FUT9: variants seen among roughly 807,000 people sequenced by gnomAD.
FUT9 encodes 4-galactosyl-N-acetylglucosaminide 3-alpha-L-fucosyltransferase 9.
FUT9 carries 15 observed loss-of-function variants against 29.7 expected under a neutral mutation model. The observed-to-expected ratio is 0.51, with a 90% confidence interval of 0.34 to 0.78. The LOEUF is 0.78. FUT9 is among the 30% of genes least tolerant of loss of function. FUT9 has a pLI of 0.01. For missense variants in FUT9, 319 were observed against 425.4 expected (o/e 0.75, Z 2.20); for synonymous variants, 169 against 153.7 (o/e 1.10, Z -0.74).
At chr6:96,052,647 T>G (rs1770691224) in intron 1 of FUT9, among the ~76,000 whole-genome samples, 1 of 152,168 alleles carries the variant, frequency 6.6e-6, no homozygotes, top group Non-Finnish European at 1.5e-5. Flanking sequence ...AAGGAGAACA[T>G]CAGAGAATTT....
chr6:96,025,786 G>C (rs1770157315), intron 1 of FUT9, among the ~76,000 whole-genome samples: 1 of 151,646 alleles, frequency 6.6e-6, no homozygotes. Context: ...AATCTCTGAA[G>C]GGTCTGAGAT....
intron 1 of FUT9, among the ~76,000 whole-genome samples, chr6:96,105,329 TA>T (rs1771658348): frequency 6.6e-6 from 1 of 152,340 alleles, no homozygotes; most frequent in East Asian, 1.9e-4. Flanking sequence ...AAATTGCAGT[TA>T]AAATTGGAGT....
intron 2 of FUT9, among the ~76,000 whole-genome samples, chr6:96,157,841 A>G (rs917831835): frequency 6.6e-6 from 1 of 151,832 alleles, no homozygotes; most frequent in Non-Finnish European, 1.5e-5. Context: ...CTTGTCTTCA[A>G]ATCTACTCCT....
intron 1 of FUT9, among the ~76,000 whole-genome samples, chr6:96,064,962 A>G (rs1003970490): frequency 5.9e-5 from 9 of 152,338 alleles, no homozygotes; most frequent in African/African-American, 2.2e-4. Flanking sequence ...TTAGATTGCT[A>G]CAACACAATA....
At chr6:96,058,169 T>C (rs1037985031) in intron 1 of FUT9, among the ~76,000 whole-genome samples, 11 of 152,086 alleles carry the variant, frequency 7.2e-5, no homozygotes, top group African/African-American at 1.4e-4. Context: ...TATTCTGTTA[T>C]GCTACTCCCG....
chr6:96,057,507 A>G (rs1369388886), intron 1 of FUT9, among the ~76,000 whole-genome samples: 2 of 152,232 alleles, frequency 1.3e-5, no homozygotes, highest in Non-Finnish European at 2.9e-5. Flanking sequence ...GCCACTCCTA[A>G]GAAACTCAAC....
At chr6:96,046,437 G>T (rs957723204) in intron 1 of FUT9, among the ~76,000 whole-genome samples, 1 of 152,018 alleles carries the variant, frequency 6.6e-6, no homozygotes, top group African/African-American at 2.4e-5. Context: ...TGACTCTAAG[G>T]TTTTTGGAAC....
rs73549040 is a variant in FUT9, at chr6:96,034,660, C to G, written c.-98+18448C>G. 4.5e-3 allele frequency among the ~76,000 whole-genome samples: 677 copies of G among 151,764 alleles called. 3 individuals carry two copies. Among genetic ancestry groups the G allele is most frequent in the African/African-American group, 0.016 (659 of 41,458 alleles). ...AGAATGGTTCTTTATCACACACTTA[C>G]TACAATAAGGGCAATTTAAATATGT... On this transcript the variant is annotated intron_variant, in intron 1 of 2. Coordinates refer to ENST00000302103, the MANE Select transcript of FUT9 (RefSeq NM_006581.4).
At chr6:96,157,149 T>C (rs1772801266) in intron 2 of FUT9, among the ~76,000 whole-genome samples, 1 of 152,158 alleles carries the variant, frequency 6.6e-6, no homozygotes, top group Non-Finnish European at 1.5e-5. Flanking sequence ...AACTAAGATG[T>C]GTGTTTTTCT....
At chr6:96,170,294 C>G (rs1405316781) in intron 2 of FUT9, among the ~76,000 whole-genome samples, 1 of 151,896 alleles carries the variant, frequency 6.6e-6, no homozygotes, top group Non-Finnish European at 1.5e-5. Context: ...TATTGTGATC[C>G]TTAGAGTTAA....
At chr6:96,174,186 C>G (rs182883613) in intron 2 of FUT9, among the ~76,000 whole-genome samples, 1 of 152,022 alleles carries the variant, frequency 6.6e-6, no homozygotes, top group South Asian at 2.1e-4. Context: ...TAAATAAATA[C>G]AAACTTTTCA....
chr6:96,192,726 A>G (rs1249798902), intron 2 of FUT9, among the ~76,000 whole-genome samples: 2 of 151,970 alleles, frequency 1.3e-5, no homozygotes, highest in Non-Finnish European at 2.9e-5. Flanking sequence ...TGGAACCAAA[A>G]AAGAGCCTGC....
intron 2 of FUT9, among the ~76,000 whole-genome samples, chr6:96,123,060 CAAAAAAAAAAAAAAAAAAA>C (rs56330234): frequency 1.8e-4 from 12 of 64,996 alleles, no homozygotes; most frequent in African/African-American, 6.9e-4. Flanking sequence ...GACTCAGTCT[CAAAAAAAAAAAAAAAAAAA>C]AAAAAAAAAA....
intron 1 of FUT9, among the ~76,000 whole-genome samples, chr6:96,076,809 C>A (rs187061283): frequency 7.0e-4 from 106 of 152,294 alleles, no homozygotes; most frequent in African/African-American, 2.5e-3. Flanking sequence ...AAATATACCA[C>A]ATGAACTGCT....
At chr6:96,119,564 A>G (rs1315540281) in intron 2 of FUT9, among the ~76,000 whole-genome samples, 4 of 152,214 alleles carry the variant, frequency 2.6e-5, no homozygotes, top group Admixed American at 6.5e-5. Flanking sequence ...AGCATTCATC[A>G]TGTATTTTCT....
At chr6:96,144,966 T>C (rs1772537252) in intron 2 of FUT9, among the ~76,000 whole-genome samples, 1 of 152,166 alleles carries the variant, frequency 6.6e-6, no homozygotes, top group African/African-American at 2.4e-5. Context: ...CTGTATTCAT[T>C]CTCTGTTTAT....
chr6:96,211,620 C>G lies in FUT9; in HGVS notation c.*7385C>G, dbSNP rs1169458275. The G allele has an allele frequency of 6.0e-6, 1 of 166,808 alleles. No homozygotes were observed. Among genetic ancestry groups the G allele is most frequent in the African/African-American group, 2.4e-5 (1 of 41,354 alleles). The allele number at this position is 166,808 out of a possible 1,614,324, so 10.3% of individuals were successfully genotyped here. On this transcript the variant is annotated 3_prime_UTR_variant, in exon 3 of 3. Transcript: ENST00000302103. ...GGTTCAGAAATAAAATAATTGTTAG[C>G]CAGCCTGTGATTAAGGCTACCATAA...
chr6:96,122,346 A>G (rs2127965428), intron 2 of FUT9, among the ~76,000 whole-genome samples: 1 of 152,308 alleles, frequency 6.6e-6, no homozygotes, highest in South Asian at 2.1e-4. Flanking sequence ...TTCCAATACA[A>G]TATTGGATGG....
At chr6:96,115,416 G>A (rs1205543470) in intron 2 of FUT9, among the ~76,000 whole-genome samples, 4 of 152,098 alleles carry the variant, frequency 2.6e-5, no homozygotes, top group African/African-American at 7.2e-5. Context: ...CTAAAGTTTT[G>A]TTGAATATAC....
Sources: allele counts gnomAD v4.1 joint callset (sites outside exome capture counted in the v4.1 genomes callset), GRCh38; gene constraint gnomAD v4.1.1; transcripts MANE v1.5; gene names NCBI Gene and HGNC (gene_info 2026-07-23, HGNC 2026-07-21).